PRR5L: variants seen among roughly 807,000 people sequenced by gnomAD.
PRR5L encodes proline rich 5 like, also known as proline-rich protein 5-like.
PRR5L carries 21 observed loss-of-function variants against 36.4 expected under a neutral mutation model. The ratio of observed to expected loss-of-function variants is 0.58; its 90% CI spans 0.41 to 0.83. The LOEUF is 0.83. Ranked by LOEUF, PRR5L falls within the 40% of genes least tolerant of loss-of-function variation. The pLI is 0.00. For synonymous variants in PRR5L, 188 were observed against 197.0 expected (o/e 0.95, Z 0.38); for missense variants, 381 against 473.3 (o/e 0.80, Z 1.81).
intron 1 of PRR5L, chr11:36,375,981 C>T (rs547606163): frequency 1.7e-4 from 70 of 411,712 alleles, no homozygotes; most frequent in Admixed American, 4.6e-4. Flanking sequence ...AGAATCACCT[C>T]TTGGCTTGGC....
intron 1 of PRR5L, among the ~76,000 whole-genome samples, chr11:36,375,332 C>T (rs919331113): frequency 1.3e-5 from 2 of 151,996 alleles, no homozygotes; most frequent in African/African-American, 2.4e-5. Context: ...AGCCCTTCAT[C>T]ATTCTAGGGC....
chr11:36,330,941 G>A (rs1486286741), intron 1 of PRR5L, among the ~76,000 whole-genome samples: 1 of 152,054 alleles, frequency 6.6e-6, no homozygotes, highest in Non-Finnish European at 1.5e-5. Flanking sequence ...GAGTAGCTGG[G>A]ATTACAGACG....
chr11:36,389,177 A>G (rs1020717733), intron 1 of PRR5L, among the ~76,000 whole-genome samples: 4 of 63,876 alleles, frequency 6.3e-5, no homozygotes, highest in Non-Finnish European at 1.2e-4. Flanking sequence ...AAATTCTTGG[A>G]AATACATTTG....
At chr11:36,394,429 C>A (rs1003691513) in intron 1 of PRR5L, 1 of 152,242 alleles carries the variant, frequency 6.6e-6, no homozygotes, top group Non-Finnish European at 1.5e-5. Flanking sequence ...TGTCCAAGGT[C>A]ACACTGTGAG....
At chr11:36,317,066 A>C (rs1212103067) in intron 1 of PRR5L, among the ~76,000 whole-genome samples, 1 of 152,192 alleles carries the variant, frequency 6.6e-6, no homozygotes, top group African/African-American at 2.4e-5. Flanking sequence ...TGAATGGGAA[A>C]CTGGAGGAGA....
intron 1 of PRR5L, among the ~76,000 whole-genome samples, chr11:36,391,105 G>A (rs4077044): frequency 5.3e-5 from 8 of 151,934 alleles, no homozygotes; most frequent in African/African-American, 1.2e-4. Context: ...TTCCAGGCAG[G>A]CACATCAGAT....
In PRR5L at chr11:36,445,113, G is replaced by A. The variant is rs541970226; in HGVS notation, c.445-1187G>A. ...GTGATTGTGTGTATCTGTTGGATGT[G>A]GGGGGTCAGGGGATATGGAGATAGC... On this transcript the variant is annotated intron_variant, in intron 6 of 8. Coordinates refer to ENST00000530639, the MANE Select transcript of PRR5L (RefSeq NM_001160167.2). 7.3e-5 allele frequency among the ~76,000 whole-genome samples: 11 copies of A among 150,804 alleles called. No homozygotes were observed. The South Asian group carries it at 2.3e-3, about 31-fold the overall frequency.
intron 4 of PRR5L, among the ~76,000 whole-genome samples, chr11:36,427,501 A>G (rs920666693): frequency 6.6e-6 from 1 of 152,142 alleles, no homozygotes; most frequent in Admixed American, 6.5e-5. Context: ...CAGCCAGCAA[A>G]CACTCAGAAA....
intron 2 of PRR5L, among the ~76,000 whole-genome samples, chr11:36,402,290 C>T (rs1445233815): frequency 6.6e-6 from 1 of 152,244 alleles, no homozygotes; most frequent in South Asian, 2.1e-4. Context: ...GTTACCCAGG[C>T]TGGAGTGCAG....
intron 1 of PRR5L, among the ~76,000 whole-genome samples, chr11:36,337,764 G>A (rs146019606): frequency 1.5e-3 from 225 of 152,322 alleles, no homozygotes; most frequent in African/African-American, 5.2e-3. Context: ...GTTGCCTGCT[G>A]CTCCAGGACG....
intron 1 of PRR5L, among the ~76,000 whole-genome samples, chr11:36,388,772 C>T (rs1565435921): frequency 2.1e-5 from 3 of 143,672 alleles, no homozygotes; most frequent in Non-Finnish European, 4.5e-5. Context: ...GATCTCGGCT[C>T]ACTGCAAGCT....
intron 1 of PRR5L, chr11:36,393,914 C>T (rs1221051291): frequency 6.6e-6 from 1 of 152,176 alleles, no homozygotes; most frequent in Non-Finnish European, 1.5e-5. Context: ...CATGTGACGG[C>T]ATGGCTACAA....
At chr11:36,437,520 G>T in intron 6 of PRR5L, 44 bp downstream of exon 6, 1 of 1,264,084 alleles carries the variant, frequency 7.9e-7, no homozygotes, top group Non-Finnish European at 1.1e-6. Flanking sequence ...TCAGCGATCT[G>T]TCTTCTCTCC....
intron 1 of PRR5L, among the ~76,000 whole-genome samples, chr11:36,366,409 TGTGTGAGA>T (rs952643742): frequency 3.6e-5 from 5 of 140,240 alleles, no homozygotes; most frequent in Non-Finnish European, 8.2e-5. Flanking sequence ...TGTGTGTGTG[TGTGTGAGA>T]GAGAGAGAGA....
intron 1 of PRR5L, among the ~76,000 whole-genome samples, chr11:36,359,692 A>C (rs1490120384): frequency 6.6e-6 from 1 of 152,230 alleles, no homozygotes; most frequent in Middle Eastern, 3.2e-3. Context: ...CAACAGAGAC[A>C]GAGACGGGAT....
intron 3 of PRR5L, among the ~76,000 whole-genome samples, chr11:36,408,653 A>G (rs1302195581): frequency 6.6e-6 from 1 of 152,178 alleles, no homozygotes; most frequent in East Asian, 1.9e-4. Flanking sequence ...TTTGGCAGCG[A>G]GGAAAAGTCT....
intron 1 of PRR5L, among the ~76,000 whole-genome samples, chr11:36,335,726 A>G (rs1856762929): frequency 6.6e-6 from 1 of 152,216 alleles, no homozygotes; most frequent in African/African-American, 2.4e-5. Context: ...GGATAATTAT[A>G]GGATATTAAT....
At chr11:36,395,014 C>T (rs1038046130) in intron 1 of PRR5L, among the ~76,000 whole-genome samples, 3 of 152,104 alleles carry the variant, frequency 2.0e-5, no homozygotes, top group African/African-American at 7.2e-5. Flanking sequence ...ATCTTTTCTG[C>T]AATGCTATTT....
intron 8 of PRR5L, among the ~76,000 whole-genome samples, chr11:36,460,525 CCTTA>C (rs1299940082): frequency 1.3e-5 from 2 of 152,196 alleles, no homozygotes; most frequent in Non-Finnish European, 2.9e-5. Flanking sequence ...GTCATCCTCA[CCTTA>C]CTGTCATCAC....
Sources: allele counts gnomAD v4.1 joint callset (sites outside exome capture counted in the v4.1 genomes callset), GRCh38; gene constraint gnomAD v4.1.1; transcripts MANE v1.5; gene names NCBI Gene and HGNC (gene_info 2026-07-23, HGNC 2026-07-21).